The following DSCAM variants were observed in gnomAD, a reference collection of about 807,000 sequenced individuals.
DSCAM encodes DS cell adhesion molecule, also known as cell adhesion molecule DSCAM.
In DSCAM, 47 loss-of-function variants were observed where a neutral mutation model predicts 217.7. The observed-to-expected ratio is 0.22, with a 90% confidence interval of 0.17 to 0.28. The LOEUF (loss-of-function observed/expected upper bound fraction) is 0.28, where lower values mean the gene tolerates loss of function less well. DSCAM is among the 10% of genes least tolerant of loss of function. DSCAM has a pLI of 1.00. For synonymous variants in DSCAM, 1,056 were observed against 1,015.3 expected, an observed-to-expected ratio of 1.04 and a Z score of -0.76; for missense variants, 2,080 against 2,618.3, an observed-to-expected ratio of 0.79 and a Z score of 4.49.
intron 16 of DSCAM, among the ~76,000 whole-genome samples, chr21:40,158,112 C>T (rs1025239863): frequency 6.6e-6 from 1 of 152,182 alleles, no homozygotes; most frequent in Non-Finnish European, 1.5e-5. Flanking sequence ...GGGCAAGGCA[C>T]AGTGGCTCAT....
intron 3 of DSCAM, among the ~76,000 whole-genome samples, chr21:40,656,695 A>T (rs780904248): frequency 6.6e-6 from 1 of 152,194 alleles, no homozygotes; most frequent in Non-Finnish European, 1.5e-5. Context: ...GCTGTCTTTG[A>T]TGGTGGCAAT....
intron 3 of DSCAM, among the ~76,000 whole-genome samples, chr21:40,651,867 G>C (rs2090018079): frequency 6.6e-6 from 1 of 152,270 alleles, no homozygotes; most frequent in South Asian, 2.1e-4. Context: ...CAACTTCAAT[G>C]AGATAAAGAC....
intron 3 of DSCAM, among the ~76,000 whole-genome samples, chr21:40,394,917 G>A (rs2075164980): frequency 6.6e-6 from 1 of 152,186 alleles, no homozygotes; most frequent in Non-Finnish European, 1.5e-5. Context: ...TTTAATCCCA[G>A]GATCTTTACT....
intron 3 of DSCAM, among the ~76,000 whole-genome samples, chr21:40,410,245 T>C (rs762946646): frequency 6.6e-6 from 1 of 151,928 alleles, no homozygotes; most frequent in Non-Finnish European, 1.5e-5. Flanking sequence ...TAATAGGAAG[T>C]TGGGCAATGC....
intron 1 of DSCAM, among the ~76,000 whole-genome samples, chr21:40,752,697 A>G (rs2091240808): frequency 1.3e-5 from 2 of 152,074 alleles, no homozygotes; most frequent in African/African-American, 4.8e-5. Flanking sequence ...ACAGAACAAC[A>G]ACAACACAAA....
At chr21:40,332,272 G>A (rs568134983) in intron 8 of DSCAM, among the ~76,000 whole-genome samples, 370 of 152,112 alleles carry the variant, frequency 2.4e-3, no homozygotes, top group African/African-American at 8.1e-3. Context: ...CTGGCTTCCC[G>A]CTGCAATACG....
chr21:40,348,903 A>G (rs943817499), intron 5 of DSCAM, among the ~76,000 whole-genome samples: 3 of 151,954 alleles, frequency 2.0e-5, no homozygotes, highest in Non-Finnish European at 4.4e-5. Context: ...GCACTTTGTG[A>G]GGCCAAAGTG....
At chr21:40,351,698 T>C (rs571704106) in intron 5 of DSCAM, among the ~76,000 whole-genome samples, 22 of 152,252 alleles carry the variant, frequency 1.4e-4, no homozygotes, top group South Asian at 1.0e-3. Flanking sequence ...TCCAGAAGCA[T>C]TGGAGAATCA....
intron 3 of DSCAM, among the ~76,000 whole-genome samples, chr21:40,413,213 A>G (rs1414023600): frequency 6.6e-6 from 1 of 152,184 alleles, no homozygotes; most frequent in Non-Finnish European, 1.5e-5. Flanking sequence ...CCCCACACAG[A>G]GTACCTACTG....
In DSCAM at chr21:40,157,496, C is replaced by T. The variant is rs990130036; in HGVS notation, c.3018+9722G>A. Among the ~76,000 whole-genome samples the T allele has an allele frequency of 8.5e-5, 13 of 152,236 alleles. No homozygotes were observed. The South Asian group carries it at 1.5e-3, about 17-fold the overall frequency. On this transcript the variant is annotated intron_variant, in intron 16 of 32. Coordinates refer to ENST00000400454, the MANE Select transcript of DSCAM (RefSeq NM_001389.5). ...GCTCTGCCCAGTGTTGGTTAGAGTT[C>T]GTTACTCTCCTTTTATCCATGCTCC...
intron 16 of DSCAM, among the ~76,000 whole-genome samples, chr21:40,159,164 T>G (rs554371247): frequency 6.6e-6 from 1 of 152,306 alleles, no homozygotes; most frequent in Non-Finnish European, 1.5e-5. Context: ...ATGTCATGTT[T>G]CTTCCCTTGC....
At chr21:40,524,623 GTTTTC>G (rs2076385670) in intron 3 of DSCAM, among the ~76,000 whole-genome samples, 1 of 152,016 alleles carries the variant, frequency 6.6e-6, no homozygotes, top group Admixed American at 6.6e-5. Flanking sequence ...TTTTGCTTGA[GTTTTC>G]TGGTCAAGAA....
Position 40,016,028 on chromosome 21 carries a change from A to G in DSCAM, c.5687-2642T>C, listed in dbSNP as rs1041760302. On this transcript the variant is annotated intron_variant, in intron 32 of 32. Transcript: ENST00000400454. The surrounding 1 kb of genome is among the most constrained non-coding windows in gnomAD (Gnocchi z 4.3). The stretch of plus-strand genomic sequence containing the variant: ...TGTTTCTGGCCACCTTGAGGTCTGA[A>G]GGACTCACCATCTTGGCACACCTGT... 2.6e-5 allele frequency among the ~76,000 whole-genome samples: 4 copies of G among 152,216 alleles called. No homozygotes were observed. The highest frequency in any genetic ancestry group is 9.6e-5 in the African/African-American group (4 of 41,456).
intron 3 of DSCAM, among the ~76,000 whole-genome samples, chr21:40,456,939 T>C (rs2145940613): frequency 6.6e-6 from 1 of 152,262 alleles, no homozygotes; most frequent in Non-Finnish European, 1.5e-5. Flanking sequence ...GAGTAAAATA[T>C]CTGTGGAAAT....
intron 1 of DSCAM, among the ~76,000 whole-genome samples, chr21:40,748,231 G>A (rs916055732): frequency 6.6e-6 from 1 of 151,612 alleles, no homozygotes; most frequent in African/African-American, 2.4e-5. Flanking sequence ...TTAGGCAAGG[G>A]AAAGAAAGAA....
intron 8 of DSCAM, among the ~76,000 whole-genome samples, chr21:40,316,066 A>G (rs1273633992): frequency 7.2e-5 from 11 of 152,240 alleles, no homozygotes. Flanking sequence ...CTGAATTATA[A>G]GTCACGGTTA....
chr21:40,804,175 G>C (rs550985872), intron 1 of DSCAM, among the ~76,000 whole-genome samples: 1 of 152,290 alleles, frequency 6.6e-6, no homozygotes, highest in East Asian at 1.9e-4. Flanking sequence ...ACAGGGATAG[G>C]GGAGGCTTCC....
chr21:40,594,531 A>G (rs939936926), intron 3 of DSCAM, among the ~76,000 whole-genome samples: 2 of 152,204 alleles, frequency 1.3e-5, no homozygotes, highest in African/African-American at 4.8e-5. Context: ...GTATTCAATA[A>G]AATAACAGCT....
At chr21:40,429,011 T>C (rs2075503961) in intron 3 of DSCAM, among the ~76,000 whole-genome samples, 2 of 151,446 alleles carry the variant, frequency 1.3e-5, no homozygotes, top group African/African-American at 2.5e-5. Context: ...ACTGAGTACA[T>C]ACTGTATAGG....
Sources: gnomAD v4.1 joint callset for allele counts (sites outside exome capture counted in the v4.1 genomes callset) on GRCh38, gnomAD v4.1.1 for gene constraint, Gnocchi (gnomAD v3.1) non-coding constraint, MANE v1.5 for transcripts, NCBI Gene and HGNC (gene_info 2026-07-23, HGNC 2026-07-21) for gene names.